Variants in GABRB2 observed in about 807,000 individuals in gnomAD.
GABRB2 encodes gamma-aminobutyric acid receptor subunit beta-2.
A neutral mutation model predicts 54.7 loss-of-function variants in GABRB2; 16 were observed. The ratio of observed to expected loss-of-function variants is 0.29; its 90% CI spans 0.20 to 0.44. The LOEUF (loss-of-function observed/expected upper bound fraction) is 0.44, where lower values mean the gene tolerates loss of function less well. GABRB2 is among the 20% of genes least tolerant of loss of function. The pLI, the probability that GABRB2 is intolerant of heterozygous loss-of-function variation, is 1.00. For synonymous variants in GABRB2, 244 were observed against 233.8 expected, an observed-to-expected ratio of 1.04 and a Z score of -0.40; for missense variants, 355 against 644.0, an observed-to-expected ratio of 0.55 and a Z score of 4.86.
chr5:161,316,917 A>G (rs889761337), intron 9 of GABRB2, among the ~76,000 whole-genome samples: 1 of 152,136 alleles, frequency 6.6e-6, no homozygotes, highest in Non-Finnish European at 1.5e-5. Context: ...CTTACTTGAC[A>G]GCGATAATCA....
chr5:161,360,960 T>C (rs558492450), intron 5 of GABRB2, among the ~76,000 whole-genome samples: 6 of 151,450 alleles, frequency 4.0e-5, no homozygotes, highest in Non-Finnish European at 8.8e-5. Context: ...CAGCAAACTA[T>C]GATTGCACCA....
chr5:161,484,535 C>A (rs779073623), intron 3 of GABRB2, among the ~76,000 whole-genome samples: 62 of 151,958 alleles, frequency 4.1e-4, no homozygotes, highest in Non-Finnish European at 7.4e-5. Flanking sequence ...AATTCATCCT[C>A]CCACCCTATT....
intron 5 of GABRB2, among the ~76,000 whole-genome samples, chr5:161,409,145 G>A (rs1474317694): frequency 6.6e-6 from 1 of 151,920 alleles, no homozygotes; most frequent in Non-Finnish European, 1.5e-5. Context: ...TGTTAATCTG[G>A]TCCCTCCAAA....
At chr5:161,294,752 A>G (rs1014183440) in intron 9 of GABRB2, among the ~76,000 whole-genome samples, 12 of 152,232 alleles carry the variant, frequency 7.9e-5, no homozygotes, top group African/African-American at 2.4e-4. Flanking sequence ...ACCCTTTTGA[A>G]GAATTTATAG....
chr5:161,525,332 T>C (rs548886149), intron 3 of GABRB2, among the ~76,000 whole-genome samples: 2 of 151,450 alleles, frequency 1.3e-5, no homozygotes, highest in South Asian at 2.1e-4. Context: ...AATAAAATAT[T>C]CCAATGTATA....
intron 4 of GABRB2, among the ~76,000 whole-genome samples, chr5:161,446,093 A>T (rs1757607039): frequency 6.6e-6 from 1 of 152,132 alleles, no homozygotes; most frequent in Admixed American, 6.6e-5. Context: ...CCACAATTCA[A>T]TTCATCACAA....
intron 3 of GABRB2, among the ~76,000 whole-genome samples, chr5:161,504,567 T>C (rs563196146): frequency 3.9e-5 from 6 of 152,044 alleles, no homozygotes; most frequent in Non-Finnish European, 8.8e-5. Context: ...CAGAAGGAAA[T>C]TTATAGCTTT....
chr5:161,492,317 A>G (rs1759108907), intron 3 of GABRB2, among the ~76,000 whole-genome samples: 1 of 151,616 alleles, frequency 6.6e-6, no homozygotes, highest in African/African-American at 2.4e-5. Context: ...ATCTAATCAC[A>G]TTGAATCTGC....
At chr5:161,537,255 T>G (rs2113468323) in intron 3 of GABRB2, among the ~76,000 whole-genome samples, 1 of 152,332 alleles carries the variant, frequency 6.6e-6, no homozygotes, top group East Asian at 1.9e-4. Context: ...ATTTTGCCTT[T>G]TAAATTTTAT....
chr5:161,434,843 A>G (rs962950263), intron 4 of GABRB2, among the ~76,000 whole-genome samples: 1 of 152,218 alleles, frequency 6.6e-6, no homozygotes, highest in Non-Finnish European at 1.5e-5. Flanking sequence ...GTGGCCAATG[A>G]AATCAGATGA....
intron 3 of GABRB2, among the ~76,000 whole-genome samples, chr5:161,465,112 A>G (rs1356161317): frequency 1.3e-5 from 2 of 152,148 alleles, no homozygotes; most frequent in Admixed American, 6.6e-5. Flanking sequence ...ACCTAGGTCC[A>G]CATCCCAGTA....
At chr5:161,422,809 A>G (rs1756886300) in intron 4 of GABRB2, among the ~76,000 whole-genome samples, 1 of 152,198 alleles carries the variant, frequency 6.6e-6, no homozygotes, top group African/African-American at 2.4e-5. Flanking sequence ...GATCAGCATA[A>G]CTATATCAAA....
intron 9 of GABRB2, among the ~76,000 whole-genome samples, chr5:161,310,867 G>A (rs1447173770): frequency 6.6e-6 from 1 of 150,906 alleles, no homozygotes; most frequent in African/African-American, 2.4e-5. Context: ...AGTTCACGCC[G>A]TTCTCCTGCC....
chr5:161,492,388 A>T (rs72813587), intron 3 of GABRB2, among the ~76,000 whole-genome samples: 1 of 151,668 alleles, frequency 6.6e-6, no homozygotes, highest in African/African-American at 2.4e-5. Flanking sequence ...TTGATAAGTG[A>T]TCGTCTATGC....
intron 9 of GABRB2, among the ~76,000 whole-genome samples, chr5:161,314,565 C>T (rs1037257006): frequency 6.6e-6 from 1 of 152,098 alleles, no homozygotes; most frequent in Non-Finnish European, 1.5e-5. Flanking sequence ...AGGTATTGTA[C>T]TTGTTTTATT....
rs56372028 is a variant in GABRB2, at chr5:161,289,232, C to CTTTTTTTTTTTTTTTTTTTTT, written c.*4848_*4849insAAAAAAAAAAAAAAAAAAAAA. 7.7e-5 allele frequency: 7 copies of CTTTTTTTTTTTTTTTTTTTTT among 90,462 alleles called. No individual in the cohort carries two copies. Among genetic ancestry groups the CTTTTTTTTTTTTTTTTTTTTT allele is most frequent in the East Asian group, 6.4e-4 (2 of 3,140 alleles). 5.6% of individuals were successfully genotyped at this position (90,462 alleles called of 1,614,324 possible). A position where few individuals can be genotyped will look rare whatever the true frequency, so the allele number is the denominator to read the frequency against. On this transcript the variant is annotated 3_prime_UTR_variant, in exon 10 of 10. Coordinates refer to ENST00000393959, the MANE Select transcript of GABRB2 (RefSeq NM_001371727.1). ...ACCTAGTAGCTTTTTAAGAGTGCTG[C>CTTTTTTTTTTTTTTTTTTTTT]TTTTTTTTTTTTTTTTTGTACAGAT... is the stretch of plus-strand genomic sequence containing the variant.
Position 161,546,579 on chromosome 5 carries a change from A to G in GABRB2, c.65T>C (p.Val22Ala), listed in dbSNP as rs958898077. Residue 22 changes from valine to alanine, a missense_variant, in exon 1 of 10, where the codon GTC becomes GCC. Physicochemically the swap from Val to Ala is moderately conservative, Grantham distance 64. Around this residue, in one of 6 missense-constraint regions of GABRB2, gnomAD observed 42 missense variants for 43.0 expected, o/e 0.98. Transcript: ENST00000393959. ...TGGGCACACTTACCTCTGCGCACAGACAGCGGCGATTATTAAGGGGAAGGA... is the reference window on the plus strand; with the variant it reads ...TGGGCACACTTACCTCTGCGCACAGGCAGCGGCGATTATTAAGGGGAAGGA... ...IWSFPLIIAAVCAQSVNDPSN... is the reference protein window; with the variant it reads ...IWSFPLIIAAACAQSVNDPSN... 6.3e-7 allele frequency: 1 copy of G among 1,598,998 alleles called. No homozygotes were observed. The highest frequency in any genetic ancestry group is 8.5e-7 in the Non-Finnish European group (1 of 1,172,050).
chr5:161,307,349 A>G (rs1175335502), intron 9 of GABRB2, among the ~76,000 whole-genome samples: 4 of 152,246 alleles, frequency 2.6e-5, no homozygotes, highest in Admixed American at 2.6e-4. Flanking sequence ...CTGCGAGGGC[A>G]AGGCACATAT....
chr5:161,462,260 A>G (rs1443132461), intron 3 of GABRB2, among the ~76,000 whole-genome samples: 1 of 152,200 alleles, frequency 6.6e-6, no homozygotes, highest in Admixed American at 6.6e-5. Flanking sequence ...TTAGGGAAGA[A>G]TTAGTTTGAG....
Sources: gnomAD v4.1 joint callset for allele counts (sites outside exome capture counted in the v4.1 genomes callset) on GRCh38, gnomAD v4.1.1 for gene constraint, gnomAD v4.1.1 regional missense constraint, MANE v1.5 for transcripts, NCBI Gene and HGNC (gene_info 2026-07-23, HGNC 2026-07-21) for gene names.